PAPPA2: variants seen among roughly 807,000 people sequenced by gnomAD.
PAPPA2 encodes pappalysin-2.
A neutral mutation model predicts 176.4 loss-of-function variants in PAPPA2; 86 were observed. The observed-to-expected ratio is 0.49, with a 90% CI of 0.41 to 0.58. The LOEUF (loss-of-function observed/expected upper bound fraction) is 0.58, where lower values mean the gene tolerates loss of function less well. Ranked by LOEUF, PAPPA2 falls within the 20% of genes least tolerant of loss-of-function variation. PAPPA2 has a pLI of 0.00. For synonymous variants in PAPPA2, 809 were observed against 852.2 expected (o/e 0.95, Z 0.88); for missense variants, 2,073 against 2,256.9 (o/e 0.92, Z 1.65).
At chr1:176,530,627 C>T (rs900049890) in intron 1 of PAPPA2, among the ~76,000 whole-genome samples, 19 of 152,004 alleles carry the variant, frequency 1.2e-4, no homozygotes, top group African/African-American at 4.6e-4. Flanking sequence ...CTGTAGAACT[C>T]TTCTTTTCCC....
At position 176,796,711 on chromosome 1, in the gene PAPPA2, TTTCTTTCTTTC is replaced by T. The variant is rs1189122045; in HGVS notation, c.5130+3055_5130+3065del. Among the ~76,000 whole-genome samples the T allele has an allele frequency of 4.0e-5, 6 of 151,440 alleles. No homozygotes were observed. The East Asian group carries it at 1.2e-3, about 29-fold the overall frequency. ...TCTTTTCTTTCTCTCTTTCTTTCTT[TTTCTTTCTTTC>T]TTCTTTCTTTCTCTCTTTCTCCCTC... On this transcript the variant is annotated intron_variant, in intron 20 of 22. Coordinates refer to ENST00000367662, the MANE Select transcript of PAPPA2 (RefSeq NM_020318.3).
At chr1:176,830,188 G>A (rs1057415911) in intron 21 of PAPPA2, among the ~76,000 whole-genome samples, 1 of 152,132 alleles carries the variant, frequency 6.6e-6, no homozygotes, top group African/African-American at 2.4e-5. Context: ...GGACAACATA[G>A]CCAGACCCCA....
At chr1:176,621,451 C>T (rs1297027319) in intron 3 of PAPPA2, among the ~76,000 whole-genome samples, 2 of 152,134 alleles carry the variant, frequency 1.3e-5, no homozygotes, top group African/African-American at 2.4e-5. Context: ...ACCCTGGCTC[C>T]CTAACCCAGT....
intron 1 of PAPPA2, among the ~76,000 whole-genome samples, chr1:176,469,911 G>A (rs989173037): frequency 1.3e-5 from 2 of 152,114 alleles, no homozygotes; most frequent in African/African-American, 4.8e-5. Flanking sequence ...GCTGAAATGT[G>A]TACTGCTGGC....
intron 2 of PAPPA2, among the ~76,000 whole-genome samples, chr1:176,589,753 G>T (rs1653541293): frequency 2.0e-5 from 3 of 152,176 alleles, no homozygotes; most frequent in African/African-American, 7.2e-5. Context: ...TCTATCTCAT[G>T]TACATCCAAA....
At chr1:176,638,840 G>A (rs999260328) in intron 3 of PAPPA2, among the ~76,000 whole-genome samples, 11 of 151,826 alleles carry the variant, frequency 7.2e-5, no homozygotes, top group African/African-American at 2.7e-4. Flanking sequence ...ATGTCTGCTC[G>A]GGAGCAGAGG....
chr1:176,712,029 ATGTG>A (rs66731142), intron 12 of PAPPA2, 48 bp downstream of exon 12: 48,829 of 1,386,686 alleles, frequency 0.035, 168 homozygotes, highest in South Asian at 0.052. Flanking sequence ...GTGTAAGCAT[ATGTG>A]TGTGTGTGTG....
At chr1:176,611,231 T>A (rs1654906105) in intron 3 of PAPPA2, among the ~76,000 whole-genome samples, 1 of 152,194 alleles carries the variant, frequency 6.6e-6, no homozygotes, top group East Asian at 1.9e-4. Context: ...AGAGAGAGTA[T>A]ATTATATGGG....
intron 21 of PAPPA2, among the ~76,000 whole-genome samples, chr1:176,812,001 T>C (rs1666170891): frequency 2.0e-5 from 3 of 151,996 alleles, no homozygotes; most frequent in South Asian, 2.1e-4. Context: ...ATTAACAACA[T>C]TCGTGAGAGT....
intron 1 of PAPPA2, among the ~76,000 whole-genome samples, chr1:176,498,959 C>T (rs979969361): frequency 6.6e-6 from 1 of 152,086 alleles, no homozygotes; most frequent in Non-Finnish European, 1.5e-5. Flanking sequence ...TTTCTCCCTC[C>T]TTCTTTTTTC....
At position 176,791,088 on chromosome 1, in the gene PAPPA2, T is replaced by C. The variant is rs1387618642; in HGVS notation, c.4885-259T>C. Among the ~76,000 whole-genome samples, 3 of 150,956 alleles carry C rather than the reference T, an allele frequency of 2.0e-5. No homozygotes were observed. The East Asian group carries it at 5.8e-4, about 29-fold the overall frequency. On this transcript the variant is annotated intron_variant, in intron 18 of 22. Transcript: ENST00000367662. ...CGGTTGATAGCTGATTGTGTTCCTA[T>C]ATATAAAGGAAAATACATTGTTAAT...
rs201332081 is a variant in PAPPA2 at position 176,557,030 on chromosome 1, G to C, written c.708G>C (p.Pro236=). ...AACACAGGGTCAAAAAGAGTCCACCGGAGGAAAGCAACCAAAATGGTGGAG... is the reference window on the plus strand; with the variant it reads ...AACACAGGGTCAAAAAGAGTCCACCCGAGGAAAGCAACCAAAATGGTGGAG... The part of the protein sequence containing the change: ...SLKHRVKKSP[P]EESNQNGGEG... Residue 236 remains proline (P), a synonymous_variant, in exon 2 of 23, where the codon CCG becomes CCC. Coordinates refer to ENST00000367662, the MANE Select transcript of PAPPA2 (RefSeq NM_020318.3). 1 of 1,614,046 alleles carries C rather than the reference G, an allele frequency of 6.2e-7. No individual in the cohort carries two copies. Among genetic ancestry groups the C allele is most frequent in the Non-Finnish European group, 8.5e-7 (1 of 1,180,000 alleles).
intron 16 of PAPPA2, 82 bp from the exon 17 acceptor site, chr1:176,770,885 A>G: frequency 1.5e-6 from 2 of 1,342,956 alleles, no homozygotes; most frequent in East Asian, 2.3e-5. Context: ...CAGTAAGTTC[A>G]GAGGTTTTTA....
chr1:176,583,727 A>G (rs1653123567), intron 2 of PAPPA2, among the ~76,000 whole-genome samples: 1 of 152,186 alleles, frequency 6.6e-6, no homozygotes, highest in African/African-American at 2.4e-5. Context: ...GATTACAGGC[A>G]TGAGCCACTG....
At chr1:176,777,930 T>A (rs1391749932) in intron 17 of PAPPA2, among the ~76,000 whole-genome samples, 2 of 151,906 alleles carry the variant, frequency 1.3e-5, no homozygotes, top group Non-Finnish European at 2.9e-5. Flanking sequence ...ATCCTTCTGG[T>A]GCAATAGGGA....
At chr1:176,559,718 T>C (rs1651546959) in intron 2 of PAPPA2, among the ~76,000 whole-genome samples, 2 of 152,206 alleles carry the variant, frequency 1.3e-5, no homozygotes, top group Non-Finnish European at 2.9e-5. Flanking sequence ...AATAGAATCA[T>C]GTCCCTGGGA....
chr1:176,831,354 A>C (rs1667072726), intron 21 of PAPPA2, among the ~76,000 whole-genome samples: 1 of 152,216 alleles, frequency 6.6e-6, no homozygotes, highest in African/African-American at 2.4e-5. Context: ...AGCTCTCAAC[A>C]GGAGGGCCAA....
intron 12 of PAPPA2, among the ~76,000 whole-genome samples, chr1:176,715,380 C>T (rs1228141038): frequency 6.6e-6 from 1 of 152,114 alleles, no homozygotes; most frequent in Admixed American, 6.6e-5. Flanking sequence ...AAGCACAGCC[C>T]CCTTCTAAAG....
chr1:176,724,907 G>T (rs939397044), intron 12 of PAPPA2, among the ~76,000 whole-genome samples: 1 of 152,154 alleles, frequency 6.6e-6, no homozygotes, highest in Non-Finnish European at 1.5e-5. Context: ...AAAATTCAGA[G>T]ATGTTAAGCA....
Sources: gnomAD v4.1 joint callset for allele counts (sites outside exome capture counted in the v4.1 genomes callset) on GRCh38, gnomAD v4.1.1 for gene constraint, MANE v1.5 for transcripts, NCBI Gene and HGNC (gene_info 2026-07-23, HGNC 2026-07-21) for gene names.